Variants in NEK2 observed in about 807,000 individuals in gnomAD.
NEK2 encodes NIMA related kinase 2, also known as serine/threonine-protein kinase Nek2.
NEK2 carries 28 observed loss-of-function variants against 54.1 expected under a neutral mutation model. The observed-to-expected ratio is 0.52, with a 90% confidence interval of 0.38 to 0.71. The LOEUF (loss-of-function observed/expected upper bound fraction) is 0.71. Among genes scored for constraint, NEK2 ranks in the 30% least tolerant of loss-of-function variants. The probability of loss-of-function intolerance (pLI) is 0.00; values close to 1 mark genes in which losing one functional copy is unlikely to be tolerated. For synonymous variants in NEK2, 176 were observed against 193.1 expected (o/e 0.91, Z 0.73); for missense variants, 407 against 531.5 (o/e 0.77, Z 2.30).
Position 211,670,802 on chromosome 1 carries a change from T to TGAAAAAAAGAACAAAGGAAAA in NEK2, c.639-396_639-395insTTTTCCTTTGTTCTTTTTTTC, listed in dbSNP as rs1553299331. Among the ~76,000 whole-genome samples the TGAAAAAAAGAACAAAGGAAAA allele has an allele frequency of 8.6e-5, 13 of 151,794 alleles. No homozygotes were observed. In the South Asian group the frequency reaches 2.7e-3, roughly 32 times the overall value. ...AGAATAGTTTCAAAGGGAAAGAAAA[T>TGAAAAAAAGAACAAAGGAAAA]GAAAAGAAGAACAAAGGAAAAGAAT... On this transcript the variant is annotated intron_variant, in intron 4 of 7. Transcript: ENST00000366999.
chr1:211,674,646 A>G, intron 1 of NEK2, 133 bp from the exon 2 acceptor site: 3 of 686,812 alleles, frequency 4.4e-6, no homozygotes, highest in Non-Finnish European at 7.2e-6. Flanking sequence ...ATTTAGTTCA[A>G]TGAACTTAAG....
intron 7 of NEK2, 91 bp downstream of exon 7, chr1:211,667,015 A>C: frequency 6.4e-7 from 1 of 1,556,468 alleles, no homozygotes. Context: ...TTGTAAATGA[A>C]AAGGGCTACC....
chr1:211,675,268 A>G, intron 1 of NEK2, 116 bp downstream of exon 1: 2 of 869,606 alleles, frequency 2.3e-6, no homozygotes, highest in Admixed American at 4.2e-5. Flanking sequence ...AAGACGGTTT[A>G]GTCTTCCGGG....
Position 211,667,089 on chromosome 1 carries a change from C to A in NEK2, c.1111+17G>T, listed in dbSNP as rs1319642651. Reference sequence around the variant, plus strand: ...ATTTGTAGCACCAGCTTCTGTTGACCAAGTTGATTCTCATACCTGGATTAC... The same window carrying A: ...ATTTGTAGCACCAGCTTCTGTTGACAAAGTTGATTCTCATACCTGGATTAC... On this transcript the variant is annotated intron_variant, in intron 7 of 7. Coordinates refer to ENST00000366999, the MANE Select transcript of NEK2 (RefSeq NM_002497.4). 6.2e-7 allele frequency: 1 copy of A among 1,613,072 alleles called. No homozygotes were observed. Among genetic ancestry groups the A allele is most frequent in the South Asian group, 1.1e-5 (1 of 90,914 alleles).
In NEK2 at chr1:211,668,983, T is replaced by C. The variant is rs1436556658; in HGVS notation, c.985+130A>G. 4.5e-6 allele frequency: 4 copies of C among 883,566 alleles called. No homozygotes were observed. The Admixed American group carries it at 7.0e-5, about 16-fold the overall frequency. 54.7% of individuals were successfully genotyped at this position (883,566 alleles called of 1,614,324 possible). On this transcript the variant is annotated intron_variant, in intron 6 of 7. Transcript: ENST00000366999. ...AAAGTCTAAAATACATATTTTGGTT[T>C]CTCAAGTATTTTTCAAAAGCTTCTA...
intron 3 of NEK2, 32 bp downstream of exon 3, chr1:211,673,451 T>C (rs1655464764): frequency 1.2e-6 from 2 of 1,607,866 alleles, no homozygotes; most frequent in South Asian, 2.2e-5. Flanking sequence ...TAAAAGATGT[T>C]TTAAAAAGTA....
At position 211,667,607 on chromosome 1, in the gene NEK2, CCTT is replaced by C. The variant is rs530509592; in HGVS notation, c.986-379_986-377del. On this transcript the variant is annotated intron_variant, in intron 6 of 7. Transcript: ENST00000366999. ...ATCTGGCCTCACAGTACAAAAATCT[CCTT>C]CTTCTGGTTGAATGACCACACCCAA... 3.9e-5 allele frequency among the ~76,000 whole-genome samples: 6 copies of C among 152,240 alleles called. No homozygotes were observed. In the South Asian group the frequency reaches 1.0e-3, roughly 26 times the overall value.
At position 211,663,597 on chromosome 1, in the gene NEK2, T is replaced by C. The variant is rs1250429043; in HGVS notation, c.1167A>G (p.Glu389=). ...VIKKKVHFSG[E]SKENIMRSEN... is the part of the protein sequence containing the mutation. ...CACTCCTCATGATGTTCTCTTTACT[T>C]TCCCCACTGAAATGAACTTTCTTCT... The change falls in exon 8 of 8, where the codon GAA becomes GAG. Residue 389 remains glutamate, a synonymous_variant. Coordinates refer to ENST00000366999, the MANE Select transcript of NEK2 (RefSeq NM_002497.4). 6 of 1,613,688 alleles carry C rather than the reference T, an allele frequency of 3.7e-6. No homozygotes were observed. Among genetic ancestry groups the C allele is most frequent in the South Asian group, 3.3e-5 (3 of 91,076 alleles).
chr1:211,660,664 T>C (rs1654993839), downstream of NEK2: 3 of 660,154 alleles, frequency 4.5e-6, no homozygotes, highest in Non-Finnish European at 8.7e-6. Context: ...TGTCTTGTAC[T>C]TGACAATTTG....
rs560276148 is a variant in NEK2, at chr1:211,671,159, C to T, written c.638+43G>A. 16 of 1,479,090 alleles carry T rather than the reference C, an allele frequency of 1.1e-5. No individual in the cohort carries two copies. In the South Asian group the frequency reaches 1.6e-4, roughly 15 times the overall value. The allele number at this position is 1,479,090 out of a possible 1,614,324, so 91.6% of individuals were successfully genotyped here. A position where few individuals can be genotyped will look rare whatever the true frequency, so the allele number is the denominator to read the frequency against. On this transcript the variant is annotated intron_variant, in intron 4 of 7. Transcript: ENST00000366999. ...ACTGAACCCAGTGAAATGTGACAAA[C>T]AGTACAAACCTTAGACTAGGAATCT... is the stretch of plus-strand genomic sequence containing the variant.
At chr1:211,667,033 C>T in intron 7 of NEK2, 73 bp downstream of exon 7, 6 of 1,601,704 alleles carry the variant, frequency 3.7e-6, no homozygotes, top group Non-Finnish European at 5.1e-6. Context: ...ACCTAAGCCA[C>T]TTTGGGAGCA....
chr1:211,661,519 AAAT>A (rs1655018251), downstream of NEK2, among the ~76,000 whole-genome samples: 1 of 152,236 alleles, frequency 6.6e-6, no homozygotes, highest in South Asian at 2.1e-4. Flanking sequence ...GCAAATCTTC[AAAT>A]AATTGTTTAA....
intron 2 of NEK2, 41 bp downstream of exon 2, chr1:211,674,255 T>C (rs1655500550): frequency 2.0e-6 from 3 of 1,517,288 alleles, no homozygotes; most frequent in Admixed American, 1.8e-5. Flanking sequence ...TAAATGAAAC[T>C]AGACCAATTT....
chr1:211,662,697 C>A (rs1425506680), downstream of NEK2: 1 of 738,494 alleles, frequency 1.4e-6, no homozygotes, highest in African/African-American at 1.9e-5. The surrounding 1 kb of genome is among the most constrained non-coding windows in gnomAD (Gnocchi z 4.2). Context: ...TCCTTCTGTA[C>A]CCTACAATGA....
chr1:211,662,506 A>G (rs1370436694), downstream of NEK2, among the ~76,000 whole-genome samples: 2 of 152,222 alleles, frequency 1.3e-5, no homozygotes, highest in Non-Finnish European at 2.9e-5. This position sits in a 1 kb window ranked among gnomAD's most constrained non-coding sequence, Gnocchi z 4.2. Context: ...AGCAGCCAGT[A>G]GCACCCTACC....
At chr1:211,664,670 C>A (rs1655120154) in intron 7 of NEK2, among the ~76,000 whole-genome samples, 1 of 152,212 alleles carries the variant, frequency 6.6e-6, no homozygotes, top group African/African-American at 2.4e-5. Flanking sequence ...TCCAAGGGTC[C>A]TGTGACTTCC....
downstream of NEK2, among the ~76,000 whole-genome samples, chr1:211,662,534 A>G (rs1381577227): frequency 6.6e-6 from 1 of 152,206 alleles, no homozygotes; most frequent in African/African-American, 2.4e-5. The surrounding 1 kb of genome is among the most constrained non-coding windows in gnomAD (Gnocchi z 4.2). Context: ...ATGACAATCA[A>G]AAATGCCCCC....
chr1:211,671,455 A>G (rs1182354819), intron 3 of NEK2, among the ~76,000 whole-genome samples, 171 bp from the exon 4 acceptor site: 2 of 152,260 alleles, frequency 1.3e-5, no homozygotes, highest in Non-Finnish European at 2.9e-5. Flanking sequence ...TTGTTCCAAT[A>G]CACTCCATCA....
chr1:211,658,515 G>A (rs994743506), downstream of NEK2: 1 of 291,078 alleles, frequency 3.4e-6, no homozygotes, highest in African/African-American at 2.3e-5. Flanking sequence ...AAGGGGCTGG[G>A]CGCAATGGCT....
Sources: allele counts gnomAD v4.1 joint callset (sites outside exome capture counted in the v4.1 genomes callset), GRCh38; gene constraint gnomAD v4.1.1; non-coding constraint Gnocchi (gnomAD v3.1); transcripts MANE v1.5; gene names NCBI Gene and HGNC (gene_info 2026-07-23, HGNC 2026-07-21).